The following GFRA1 variants were observed in gnomAD, a reference collection of about 807,000 sequenced individuals.
GFRA1 encodes the protein GDNF family receptor alpha 1, also known as GDNF family receptor alpha-1.
A neutral mutation model predicts 51.6 loss-of-function variants in GFRA1; 16 were observed. The ratio of observed to expected loss-of-function variants is 0.31; its 90% confidence interval spans 0.21 to 0.47. The LOEUF (loss-of-function observed/expected upper bound fraction) is 0.47. Ranked by LOEUF, GFRA1 falls within the 20% of genes least tolerant of loss-of-function variation. The probability of loss-of-function intolerance (pLI) is 1.00; values close to 1 mark genes in which losing one functional copy is unlikely to be tolerated. For synonymous variants in GFRA1, 270 were observed against 241.3 expected (o/e 1.12, Z -1.10); for missense variants, 530 against 594.3 (o/e 0.89, Z 1.13).
chr10:116,125,031 G>A (rs1319120917), intron 6 of GFRA1, among the ~76,000 whole-genome samples, 190 bp downstream of exon 6: 3 of 152,150 alleles, frequency 2.0e-5, no homozygotes, highest in African/African-American at 7.2e-5. Flanking sequence ...CAGCAGGGAG[G>A]CCTGAATAGC....
At chr10:116,212,075 G>A (rs528775776) in intron 4 of GFRA1, among the ~76,000 whole-genome samples, 6 of 152,128 alleles carry the variant, frequency 3.9e-5, no homozygotes, top group Non-Finnish European at 8.8e-5. Context: ...GGAAACTGAG[G>A]CTCCAGAAAG....
chr10:116,154,443 C>A (rs957479042), intron 5 of GFRA1, among the ~76,000 whole-genome samples: 1 of 152,126 alleles, frequency 6.6e-6, no homozygotes, highest in Non-Finnish European at 1.5e-5. Flanking sequence ...TCATGTTGGG[C>A]AAAAGAAGCC....
chr10:116,171,810 G>A (rs1961056032), intron 5 of GFRA1, among the ~76,000 whole-genome samples: 1 of 152,164 alleles, frequency 6.6e-6, no homozygotes, highest in African/African-American at 2.4e-5. Flanking sequence ...CTGAGGTTCT[G>A]AAGGCTACTA....
intron 5 of GFRA1, among the ~76,000 whole-genome samples, chr10:116,204,263 G>C (rs1015878163): frequency 1.3e-5 from 2 of 152,364 alleles, no homozygotes; most frequent in African/African-American, 4.8e-5. Context: ...TGATGGGTTA[G>C]AGTCGAACAC....
At chr10:116,116,135 C>T (rs535202047) in intron 6 of GFRA1, among the ~76,000 whole-genome samples, 1 of 152,262 alleles carries the variant, frequency 6.6e-6, no homozygotes, top group Non-Finnish European at 1.5e-5. Context: ...ACGCTTGTTG[C>T]CCAGGCTGGA....
intron 4 of GFRA1, among the ~76,000 whole-genome samples, chr10:116,237,951 C>T (rs1967027837): frequency 6.6e-6 from 1 of 152,160 alleles, no homozygotes; most frequent in Admixed American, 6.5e-5. Context: ...TGAGCATCAG[C>T]GCTGATTAGA....
intron 4 of GFRA1, among the ~76,000 whole-genome samples, chr10:116,254,152 C>G: frequency 6.6e-6 from 1 of 151,606 alleles, no homozygotes; most frequent in East Asian, 1.9e-4. Flanking sequence ...GAAACCCCGT[C>G]TCTACTAAAA....
intron 4 of GFRA1, among the ~76,000 whole-genome samples, chr10:116,220,615 AAG>A (rs1226650115): frequency 3.3e-5 from 5 of 152,126 alleles, no homozygotes; most frequent in Admixed American, 1.3e-4. Context: ...CTTGAATTCT[AAG>A]AAGCTGTTCT....
At chr10:116,157,233 T>G (rs1260454704) in intron 5 of GFRA1, among the ~76,000 whole-genome samples, 1 of 152,246 alleles carries the variant, frequency 6.6e-6, no homozygotes, top group Admixed American at 6.5e-5. Context: ...GAGGAAATGC[T>G]GCTGGCTGAC....
At chr10:116,174,619 T>C (rs1387725474) in intron 5 of GFRA1, among the ~76,000 whole-genome samples, 2 of 152,208 alleles carry the variant, frequency 1.3e-5, no homozygotes, top group Admixed American at 1.3e-4. Flanking sequence ...GACAACAGAC[T>C]ACCAAATGGG....
At chr10:116,119,330 C>G (rs971312737) in intron 6 of GFRA1, among the ~76,000 whole-genome samples, 1 of 152,092 alleles carries the variant, frequency 6.6e-6, no homozygotes, top group Non-Finnish European at 1.5e-5. Context: ...GCAGGCAGCT[C>G]GTGCAGGTGG....
At chr10:116,081,479 C>T (rs1172812336) in intron 9 of GFRA1, among the ~76,000 whole-genome samples, 1 of 152,146 alleles carries the variant, frequency 6.6e-6, no homozygotes, top group Non-Finnish European at 1.5e-5. Context: ...GCTCTGGTTT[C>T]GGTAATACAG....
At chr10:116,165,633 T>C (rs1373519664) in intron 5 of GFRA1, among the ~76,000 whole-genome samples, 2 of 147,572 alleles carry the variant, frequency 1.4e-5, no homozygotes, top group Non-Finnish European at 3.0e-5. Context: ...TCTGTCTCTG[T>C]CTCTCTCTTT....
At chr10:116,196,761 T>A (rs1335060537) in intron 5 of GFRA1, among the ~76,000 whole-genome samples, 1 of 35,468 alleles carries the variant, frequency 2.8e-5, no homozygotes, top group East Asian at 7.4e-4. Context: ...TATTATATAT[T>A]ATATATATAA....
chr10:116,253,292 G>T (rs886891137), intron 4 of GFRA1, among the ~76,000 whole-genome samples: 1 of 152,238 alleles, frequency 6.6e-6, no homozygotes, highest in African/African-American at 2.4e-5. Flanking sequence ...AGTCCAGTCA[G>T]CCAGGGCAGG....
intron 4 of GFRA1, among the ~76,000 whole-genome samples, chr10:116,267,951 ACACAC>A (rs1969802587): frequency 6.6e-6 from 1 of 151,158 alleles, no homozygotes; most frequent in South Asian, 2.1e-4. Context: ...ACACACACAC[ACACAC>A]ACACACACAC....
At chr10:116,130,378 T>C (rs1164362224) in intron 5 of GFRA1, among the ~76,000 whole-genome samples, 1 of 152,028 alleles carries the variant, frequency 6.6e-6, no homozygotes, top group Non-Finnish European at 1.5e-5. Context: ...TATCTCCAAA[T>C]CATAAAATGT....
intron 4 of GFRA1, among the ~76,000 whole-genome samples, chr10:116,224,795 A>G (rs1966165316): frequency 6.6e-6 from 1 of 152,198 alleles, no homozygotes. Flanking sequence ...ACTAAAATCC[A>G]TTTAACTGTA....
rs535547211 is a variant in GFRA1 at position 116,233,661 on chromosome 10, C to T, written c.419-22016G>A. Among the ~76,000 whole-genome samples, 10 of 152,296 alleles carry T rather than the reference C, an allele frequency of 6.6e-5. No individual in the cohort carries two copies. In the South Asian group the frequency reaches 1.5e-3, roughly 22 times the overall value. ...CCCTCAGTCAGCTGTCCCAGCTCCC[C>T]GCAGTGCTGTGACTCATCAGGTGCT... is the stretch of plus-strand genomic sequence containing the variant. On this transcript the variant is annotated intron_variant, in intron 4 of 10. Coordinates refer to ENST00000355422, the MANE Select transcript of GFRA1 (RefSeq NM_005264.8).
Sources: gnomAD v4.1 joint callset for allele counts (sites outside exome capture counted in the v4.1 genomes callset) on GRCh38, gnomAD v4.1.1 for gene constraint, MANE v1.5 for transcripts, NCBI Gene and HGNC (gene_info 2026-07-23, HGNC 2026-07-21) for gene names.